Variants in LIPA observed in about 807,000 individuals in gnomAD.
LIPA encodes lysosomal acid lipase/cholesteryl ester hydrolase.
Under a neutral mutation model 40.6 loss-of-function variants are expected in LIPA, and 26 were observed. The ratio of observed to expected loss-of-function variants is 0.64; its 90% CI spans 0.47 to 0.89. The LOEUF (loss-of-function observed/expected upper bound fraction) is 0.89, where lower values mean the gene tolerates loss of function less well. Ranked by LOEUF, LIPA falls within the 40% of genes least tolerant of loss-of-function variation. LIPA has a pLI of 0.00. For synonymous variants in LIPA, 188 were observed against 168.4 expected (o/e 1.12, Z -0.90); for missense variants, 455 against 479.6 (o/e 0.95, Z 0.48).
chr10:89,270,133 C>T (rs139996140), intron 1 of LIPA, among the ~76,000 whole-genome samples: 1 of 152,358 alleles, frequency 6.6e-6, no homozygotes, highest in East Asian at 1.9e-4. Context: ...AAAGTTGACA[C>T]ATTCCCTAGC....
At chr10:89,261,896 T>C (rs1843211826) in intron 1 of LIPA, among the ~76,000 whole-genome samples, 1 of 152,208 alleles carries the variant, frequency 6.6e-6, no homozygotes, top group Non-Finnish European at 1.5e-5. Context: ...CCGGTTGATT[T>C]TTTTGCCGTA....
At chr10:89,312,978 T>C (rs746050415) in intron 1 of LIPA, among the ~76,000 whole-genome samples, 17 of 152,112 alleles carry the variant, frequency 1.1e-4, no homozygotes, top group Non-Finnish European at 1.5e-4. Flanking sequence ...ATGGCTTGCA[T>C]ACCTAGAATA....
upstream of LIPA, among the ~76,000 whole-genome samples, chr10:89,256,507 A>C (rs927596766): frequency 2.2e-4 from 34 of 152,250 alleles, no homozygotes; most frequent in African/African-American, 8.0e-4. Context: ...TTCATGAAAG[A>C]GGAAATGATC....
At chr10:89,307,636 A>C (rs1379008588) in intron 1 of LIPA, 6 of 350,092 alleles carry the variant, frequency 1.7e-5, no homozygotes, top group Non-Finnish European at 3.1e-5. Context: ...TCTTGAGTGC[A>C]ATTTGAACTG....
chr10:89,333,023 T>A (rs1312816090), intron 1 of LIPA, among the ~76,000 whole-genome samples: 1 of 152,248 alleles, frequency 6.6e-6, no homozygotes, highest in Non-Finnish European at 1.5e-5. Context: ...ACTGTGGTTA[T>A]TTTTAAACCA....
Position 89,223,739 on chromosome 10 carries a change from A to G in LIPA, c.767T>C (p.Leu256Pro), listed in dbSNP as rs1393940242. The G allele has an allele frequency of 6.2e-7, 1 of 1,613,500 alleles. No homozygotes were observed. The highest frequency in any genetic ancestry group is 1.7e-5 in the Admixed American group (1 of 60,004). Residue 256 changes from leucine (L) to proline (P), a missense_variant, in exon 7 of 10, where the codon CTC (leucine) becomes CCC (proline). Leu to Pro is a moderately conservative substitution (Grantham distance 98, BLOSUM62 -3). Coordinates refer to ENST00000336233, the MANE Select transcript of LIPA (RefSeq NM_000235.4). ...HVCTHVILKELCGNLCFLLCG... is the reference protein window; with the variant it reads ...HVCTHVILKEPCGNLCFLLCG... ...CAGAAGAAAACAGAGATTTCCACAGAGCTCCTTCAGTATGACATGAGTGCA... is the reference window on the plus strand; with the variant it reads ...CAGAAGAAAACAGAGATTTCCACAGGGCTCCTTCAGTATGACATGAGTGCA...
At chr10:89,335,862 T>C (rs1426111701) in intron 1 of LIPA, among the ~76,000 whole-genome samples, 1 of 152,256 alleles carries the variant, frequency 6.6e-6, no homozygotes, top group Non-Finnish European at 1.5e-5. Flanking sequence ...TAAGCAGAGT[T>C]GTTCAATTAT....
At chr10:89,381,935 A>G (rs753614504) in intron 2 of LIPA, among the ~76,000 whole-genome samples, 14 of 151,644 alleles carry the variant, frequency 9.2e-5, no homozygotes, top group Non-Finnish European at 1.6e-4. Flanking sequence ...ACGCTGGCTA[A>G]TTTTTTGTAT....
chr10:89,262,148 G>C (rs989135919), intron 1 of LIPA, among the ~76,000 whole-genome samples: 1 of 152,094 alleles, frequency 6.6e-6, no homozygotes, highest in Non-Finnish European at 1.5e-5. Flanking sequence ...CTGAGGACTT[G>C]TAAACTCCTG....
intron 1 of LIPA, among the ~76,000 whole-genome samples, chr10:89,294,241 A>G (rs1459230616): frequency 6.6e-6 from 1 of 152,238 alleles, no homozygotes; most frequent in African/African-American, 2.4e-5. Flanking sequence ...CAGTCTAAAA[A>G]ATTAATGCTG....
At chr10:89,363,087 CA>C in intron 2 of LIPA, 1 of 225,776 alleles carries the variant, frequency 4.4e-6, no homozygotes. Context: ...CCAGTTTTAT[CA>C]AAGAAGAGGC....
chr10:89,365,760 T>TAG (rs1452771892), intron 2 of LIPA, among the ~76,000 whole-genome samples: 25 of 152,326 alleles, frequency 1.6e-4, no homozygotes, highest in African/African-American at 5.5e-4. Flanking sequence ...CAGATGGTTG[T>TAG]AGATGTGTGG....
intron 1 of LIPA, among the ~76,000 whole-genome samples, chr10:89,291,579 C>A (rs1208197878): frequency 3.3e-5 from 5 of 151,970 alleles, no homozygotes; most frequent in Admixed American, 6.6e-5. Flanking sequence ...AGCATGAGAC[C>A]ACAAGGAGTC....
chr10:89,325,120 T>C lies in LIPA; in HGVS notation c.-2+17491A>G, dbSNP rs1053982308. Among the ~76,000 whole-genome samples the C allele has an allele frequency of 6.6e-5, 10 of 152,102 alleles. No individual in the cohort carries two copies. The East Asian group carries it at 1.2e-3, about 18-fold the overall frequency. ...AAAAAGAATATGAAAAAATACTCAA[T>C]ATCATTAATCATTAGAAAAATGCAA... On this transcript the variant is annotated intron_variant, in intron 1 of 5. Coordinates refer to the LIPA transcript ENST00000282673.
intron 2 of LIPA, among the ~76,000 whole-genome samples, chr10:89,390,423 A>T (rs1844237489): frequency 6.6e-6 from 1 of 152,196 alleles, no homozygotes; most frequent in Admixed American, 6.5e-5. Flanking sequence ...AGATCTGCCA[A>T]CCTATTCCAA....
chr10:89,267,782 A>G (rs1358836756), intron 1 of LIPA, among the ~76,000 whole-genome samples: 1 of 151,428 alleles, frequency 6.6e-6, no homozygotes, highest in Non-Finnish European at 1.5e-5. Context: ...TAATTACTCT[A>G]CCATCACTTT....
At chr10:89,337,412 T>G (rs1363992401) in intron 1 of LIPA, among the ~76,000 whole-genome samples, 1 of 152,194 alleles carries the variant, frequency 6.6e-6, no homozygotes, top group African/African-American at 2.4e-5. Flanking sequence ...TACTTTTATT[T>G]TTTTTGAGGC....
intron 2 of LIPA, among the ~76,000 whole-genome samples, chr10:89,382,478 C>T (rs749484173): frequency 1.3e-5 from 2 of 152,204 alleles, no homozygotes; most frequent in Non-Finnish European, 2.9e-5. Context: ...TCTGGTCCCA[C>T]TGACTTCATA....
intron 6 of LIPA, among the ~76,000 whole-genome samples, chr10:89,224,651 G>A (rs949644817): frequency 6.6e-6 from 1 of 152,206 alleles, no homozygotes; most frequent in African/African-American, 2.4e-5. Context: ...GCTGTGTTTA[G>A]GAGCCATATT....
Sources: allele counts gnomAD v4.1 joint callset (sites outside exome capture counted in the v4.1 genomes callset), GRCh38; gene constraint gnomAD v4.1.1; transcripts MANE v1.5; gene names NCBI Gene and HGNC (gene_info 2026-07-23, HGNC 2026-07-21).